PPP1R21: variants seen among roughly 807,000 people sequenced by gnomAD.
PPP1R21 encodes the protein KLRAQ motif containing 1.
In PPP1R21, 85 loss-of-function variants were observed where a neutral mutation model predicts 112.8. That is an observed-to-expected ratio of 0.75 (90% CI 0.63 to 0.90). The LOEUF is 0.90. Ranked by LOEUF, PPP1R21 falls within the 40% of genes least tolerant of loss-of-function variation. The probability of loss-of-function intolerance (pLI) is 0.00; values close to 1 mark genes in which losing one functional copy is unlikely to be tolerated. For synonymous variants in PPP1R21, 381 were observed against 322.3 expected (o/e 1.18, Z -1.95); for missense variants, 1,199 against 901.5 (o/e 1.33, Z -4.23).
rs117695642 is a variant in PPP1R21 at position 48,505,640 on chromosome 2, G to A, written c.1968+44G>A. The A allele has an allele frequency of 1.7e-4, 248 of 1,478,662 alleles. 2 individuals carry two copies. The East Asian group carries it at 6.0e-3, about 36-fold the overall frequency. 91.6% of individuals were successfully genotyped at this position (1,478,662 alleles called of 1,614,324 possible). A position where few individuals can be genotyped will look rare whatever the true frequency, so the allele number is the denominator to read the frequency against. On this transcript the variant is annotated intron_variant, in intron 18 of 21. Coordinates refer to ENST00000294952, the MANE Select transcript of PPP1R21 (RefSeq NM_001135629.3). ...CATGTTGTTTGTTAGTAAATATCTG[G>A]CAGCATGTTTGTTGACAAAGTCCTG...
rs535990415 is a variant in PPP1R21, at chr2:48,503,104, A to G, written c.1936-2460A>G. On this transcript the variant is annotated intron_variant, in intron 17 of 21. Transcript: ENST00000294952. ...ATATATTATAAAAAAAGATAGCAATAGCCTTAAAGTAAAAGCACAGAACAA... is the reference window on the plus strand; with the variant it reads ...ATATATTATAAAAAAAGATAGCAATGGCCTTAAAGTAAAAGCACAGAACAA... Among the ~76,000 whole-genome samples, 28 of 152,356 alleles carry G rather than the reference A, an allele frequency of 1.8e-4. 1 individual carries two copies. The South Asian group carries it at 5.2e-3, about 28-fold the overall frequency.
chr2:48,451,241 G>T lies in PPP1R21; in HGVS notation c.126+165G>T, dbSNP rs138586704. Among the ~76,000 whole-genome samples, 11 of 152,234 alleles carry T rather than the reference G, an allele frequency of 7.2e-5. No individual in the cohort carries two copies. In the East Asian group the frequency reaches 1.2e-3, roughly 16 times the overall value. ...GTGGTTAATTTTCCTACTTGCTTAG[G>T]TAAGAACATGAGGTACTTTGATTTC... On this transcript the variant is annotated intron_variant, in intron 2 of 21. Transcript: ENST00000294952.
chr2:48,489,754 A>G (rs138099238), intron 14 of PPP1R21, among the ~76,000 whole-genome samples: 4 of 152,150 alleles, frequency 2.6e-5, no homozygotes, highest in African/African-American at 9.6e-5. Flanking sequence ...TACTAAACAT[A>G]CAAAAATTAG....
In PPP1R21 at chr2:48,464,936, G is replaced by T. The variant is rs2103818479; in HGVS notation, c.695-1G>T. On this transcript the variant is annotated splice_acceptor_variant, in intron 7 of 21. Coordinates refer to ENST00000294952, the MANE Select transcript of PPP1R21 (RefSeq NM_001135629.3). LOFTEE classifies it high-confidence loss of function. ...TAATGTACATTATTTTTCTTCTGTA[G>T]AATATAGTCAGTACAACGCTCTGAA... The T allele has an allele frequency of 6.4e-7, 1 of 1,563,534 alleles. No individual in the cohort carries two copies. The highest frequency in any genetic ancestry group is 1.4e-5 in the African/African-American group (1 of 70,858).
intron 2 of PPP1R21, among the ~76,000 whole-genome samples, chr2:48,452,278 T>A (rs1667509571): frequency 6.6e-6 from 1 of 152,170 alleles, no homozygotes; most frequent in African/African-American, 2.4e-5. Context: ...GTGGTAGGCG[T>A]GGTGACAGCT....
intron 2 of PPP1R21, among the ~76,000 whole-genome samples, chr2:48,451,797 A>G (rs1667487453): frequency 6.6e-6 from 1 of 152,182 alleles, no homozygotes; most frequent in African/African-American, 2.4e-5. Context: ...CTCTCTTTAG[A>G]CAGATGGGAT....
chr2:48,441,435 A>G, intron 1 of PPP1R21: 1 of 251,522 alleles, frequency 4.0e-6, no homozygotes, highest in Non-Finnish European at 8.3e-6. Flanking sequence ...ATATGAGGTT[A>G]AAGAGATTTA....
rs754773328 is a variant in PPP1R21, at chr2:48,486,777, A to G, written c.1446+19A>G. 1.6e-5 allele frequency: 26 copies of G among 1,604,230 alleles called. 1 individual carries two copies. Among genetic ancestry groups the G allele is most frequent in the Admixed American group, 6.9e-5 (4 of 57,754 alleles). On this transcript the variant is annotated intron_variant, in intron 14 of 21. Coordinates refer to ENST00000294952, the MANE Select transcript of PPP1R21 (RefSeq NM_001135629.3). ...AGGAAAGGTAATTCTCTTCTGGCGT[A>G]TATTGATGTTAAAACTCTTAAATAT...
At chr2:48,498,404 T>C in intron 16 of PPP1R21, 89 bp from the exon 17 acceptor site, 1 of 1,349,500 alleles carries the variant, frequency 7.4e-7, no homozygotes, top group African/African-American at 1.5e-5. Context: ...TGTGGGGTAG[T>C]TTTGGTTTAC....
intron 9 of PPP1R21, among the ~76,000 whole-genome samples, chr2:48,469,304 T>C (rs1246095435): frequency 7.8e-6 from 1 of 128,722 alleles, no homozygotes; most frequent in Non-Finnish European, 1.6e-5. Flanking sequence ...TGTATGTATA[T>C]ATATACACAC....
intron 17 of PPP1R21, chr2:48,502,163 T>C (rs1221825976): frequency 2.0e-5 from 3 of 152,232 alleles, no homozygotes; most frequent in South Asian, 4.1e-4. Flanking sequence ...GAAAAATCTT[T>C]AGTACTGAAC....
Position 48,498,542 on chromosome 2 carries a change from A to G in PPP1R21, c.1742A>G (p.His581Arg). 6.2e-7 allele frequency: 1 copy of G among 1,614,196 alleles called. No homozygotes were observed. The highest frequency in any genetic ancestry group is 8.5e-7 in the Non-Finnish European group (1 of 1,180,004). Residue 581 changes from histidine (H) to arginine (R), a missense_variant, in exon 17 of 22, where the codon CAT becomes CGT. By Grantham distance (29) the His-to-Arg change is conservative. Coordinates refer to ENST00000294952, the MANE Select transcript of PPP1R21 (RefSeq NM_001135629.3). ...KISKLEQEKEHWMLEAQLAKI... is the reference protein window; with the variant it reads ...KISKLEQEKERWMLEAQLAKI... Reference sequence around the variant, plus strand: ...TCTAAACTGGAGCAGGAAAAAGAACATTGGATGTTGGAAGCACAATTAGCC... The same window carrying G: ...TCTAAACTGGAGCAGGAAAAAGAACGTTGGATGTTGGAAGCACAATTAGCC...
chr2:48,509,907 TG>T (rs1670554538), intron 19 of PPP1R21, 107 bp from the exon 20 acceptor site: 1 of 646,770 alleles, frequency 1.5e-6, no homozygotes, highest in African/African-American at 1.8e-5. Flanking sequence ...ATTTGTGGAA[TG>T]AATGAGTAGC....
intron 13 of PPP1R21, 80 bp downstream of exon 13, chr2:48,480,096 C>A: frequency 1.0e-6 from 1 of 966,374 alleles, no homozygotes; most frequent in African/African-American, 1.6e-5. Context: ...TAAACAAACA[C>A]TGCCAAGGGT....
chr2:48,515,078 A>T lies in PPP1R21; in HGVS notation c.*334A>T, dbSNP rs1670813215. Reference sequence around the variant, plus strand: ...AAATATTTTGTATACTTTCAAACTCAATTATATGGTAATCGATTTGGTATC... The same window carrying T: ...AAATATTTTGTATACTTTCAAACTCTATTATATGGTAATCGATTTGGTATC... On this transcript the variant is annotated 3_prime_UTR_variant, in exon 22 of 22. Coordinates refer to ENST00000294952, the MANE Select transcript of PPP1R21 (RefSeq NM_001135629.3). 1 of 262,854 alleles carries T rather than the reference A, an allele frequency of 3.8e-6. No individual in the cohort carries two copies. The highest frequency in any genetic ancestry group is 2.2e-5 in the African/African-American group (1 of 44,978). The allele number at this position is 262,854 out of a possible 1,614,324, so 16.3% of individuals were successfully genotyped here.
Position 48,511,453 on chromosome 2 carries a change from A to G in PPP1R21, c.2298A>G (p.Leu766=), listed in dbSNP as rs1670636242. 2 of 1,613,944 alleles carry G rather than the reference A, an allele frequency of 1.2e-6. No individual in the cohort carries two copies. Among genetic ancestry groups the G allele is most frequent in the Non-Finnish European group, 1.7e-6 (2 of 1,179,956 alleles). The change falls in exon 21 of 22, where the codon CTA becomes CTG. Residue 766 remains leucine, a synonymous_variant. Coordinates refer to ENST00000294952, the MANE Select transcript of PPP1R21 (RefSeq NM_001135629.3). ...LSKQREEIDT[L]KMSSKGNSKK... is the part of the protein sequence containing the mutation. ...AACAGAGAGAAGAGATTGACACACT[A>G]AAGATGTCCAGTAAGGTATGTGAGG...
At chr2:48,476,726 A>G (rs1211273351) in intron 12 of PPP1R21, among the ~76,000 whole-genome samples, 1 of 151,898 alleles carries the variant, frequency 6.6e-6, no homozygotes, top group Non-Finnish European at 1.5e-5. Context: ...TAATGTACTT[A>G]TTGGCCATTT....
chr2:48,504,211 A>G (rs1448183798), intron 17 of PPP1R21, among the ~76,000 whole-genome samples: 1 of 152,240 alleles, frequency 6.6e-6, no homozygotes, highest in Non-Finnish European at 1.5e-5. Context: ...TAGAAAAATT[A>G]TGGCTCTTCT....
At chr2:48,473,790 T>A (rs1668625671) in intron 11 of PPP1R21, among the ~76,000 whole-genome samples, 1 of 152,154 alleles carries the variant, frequency 6.6e-6, no homozygotes, top group African/African-American at 2.4e-5. Flanking sequence ...TTAAAATGAA[T>A]AGTTAAGACA....
Sources: gnomAD v4.1 joint callset for allele counts (sites outside exome capture counted in the v4.1 genomes callset) on GRCh38, gnomAD v4.1.1 for gene constraint, MANE v1.5 for transcripts, NCBI Gene and HGNC (gene_info 2026-07-23, HGNC 2026-07-21) for gene names.